ADAMTSL1: variants seen among roughly 807,000 people sequenced by gnomAD.
The protein encoded by ADAMTSL1 is ADAMTS-like protein 1.
In ADAMTSL1, 126 loss-of-function variants were observed where a neutral mutation model predicts 201.8. That is an observed-to-expected ratio of 0.62 (90% CI 0.54 to 0.72). ADAMTSL1 has a LOEUF of 0.72. Among genes scored for constraint, ADAMTSL1 ranks in the 30% least tolerant of loss-of-function variants. ADAMTSL1 has a pLI of 0.00. For synonymous variants in ADAMTSL1, 1,121 were observed against 903.4 expected (o/e 1.24, Z -4.32); for missense variants, 2,679 against 2,277.8 (o/e 1.18, Z -3.59).
chr9:18,448,637 A>G (rs1435469119), intron 2 of ADAMTSL1, among the ~76,000 whole-genome samples: 2 of 152,180 alleles, frequency 1.3e-5, no homozygotes, highest in Non-Finnish European at 2.9e-5. Flanking sequence ...ATACCATGCC[A>G]GTTAGATACT....
At chr9:18,230,662 T>C (rs962268789) in intron 2 of ADAMTSL1, among the ~76,000 whole-genome samples, 25 of 152,128 alleles carry the variant, frequency 1.6e-4, no homozygotes, top group African/African-American at 5.8e-4. Flanking sequence ...CATATGCATA[T>C]CAAATGTTAT....
chr9:17,976,986 G>A (rs1052957928), intron 1 of ADAMTSL1, among the ~76,000 whole-genome samples: 2 of 151,928 alleles, frequency 1.3e-5, no homozygotes, highest in African/African-American at 4.8e-5. Context: ...GTCTTTATGA[G>A]GTTGAGGCAC....
intron 1 of ADAMTSL1, among the ~76,000 whole-genome samples, chr9:18,147,876 C>T (rs1020593194): frequency 6.6e-6 from 1 of 152,226 alleles, no homozygotes; most frequent in East Asian, 1.9e-4. Context: ...TACAGTTGCA[C>T]AGCATGAAGC....
chr9:18,684,521 A>G (rs1341694324), intron 12 of ADAMTSL1, among the ~76,000 whole-genome samples, 195 bp from the exon 13 acceptor site: 4 of 152,208 alleles, frequency 2.6e-5, no homozygotes, highest in Non-Finnish European at 4.4e-5. Context: ...TTGCACACAA[A>G]CTAGTATTAT....
intron 15 of ADAMTSL1, among the ~76,000 whole-genome samples, chr9:18,732,538 G>T (rs1406659365): frequency 6.6e-6 from 1 of 152,186 alleles, no homozygotes; most frequent in Non-Finnish European, 1.5e-5. Flanking sequence ...AGGGAGGAAG[G>T]TCCTTTGACA....
At chr9:18,106,461 A>C (rs2131865196) in intron 1 of ADAMTSL1, among the ~76,000 whole-genome samples, 1 of 152,304 alleles carries the variant, frequency 6.6e-6, no homozygotes, top group Middle Eastern at 3.4e-3. Flanking sequence ...TTTCAGGACA[A>C]GTTTCAACTC....
chr9:18,694,310 A>G (rs1322915314), intron 13 of ADAMTSL1, among the ~76,000 whole-genome samples: 1 of 152,118 alleles, frequency 6.6e-6, no homozygotes, highest in Non-Finnish European at 1.5e-5. Context: ...GCAAAATACA[A>G]TCATCCCTTC....
At chr9:18,396,337 C>G (rs1257137087) in intron 2 of ADAMTSL1, among the ~76,000 whole-genome samples, 1 of 152,004 alleles carries the variant, frequency 6.6e-6, no homozygotes, top group Non-Finnish European at 1.5e-5. Flanking sequence ...TAGATTGTGA[C>G]TTAGTTCAGA....
At chr9:17,934,453 G>A (rs182194907) in intron 1 of ADAMTSL1, among the ~76,000 whole-genome samples, 3 of 151,940 alleles carry the variant, frequency 2.0e-5, no homozygotes, top group African/African-American at 7.2e-5. Context: ...TCTCTCTTTG[G>A]TGCACTCACT....
chr9:18,264,638 C>G (rs1832049673), intron 2 of ADAMTSL1, among the ~76,000 whole-genome samples: 1 of 152,098 alleles, frequency 6.6e-6, no homozygotes, highest in Non-Finnish European at 1.5e-5. Context: ...AGTTTAACTT[C>G]TGGATGCCAC....
At chr9:18,113,270 G>C (rs1390005478) in intron 1 of ADAMTSL1, among the ~76,000 whole-genome samples, 1 of 152,204 alleles carries the variant, frequency 6.6e-6, no homozygotes, top group Admixed American at 6.5e-5. Context: ...GACAGTGGCA[G>C]TGGTTTTGAT....
intron 2 of ADAMTSL1, among the ~76,000 whole-genome samples, chr9:18,264,281 G>A (rs1290890143): frequency 6.6e-6 from 1 of 151,772 alleles, no homozygotes; most frequent in Non-Finnish European, 1.5e-5. Context: ...TATATTTTAG[G>A]ACCTCACCAT....
intron 4 of ADAMTSL1, among the ~76,000 whole-genome samples, chr9:18,618,611 A>C (rs1377915683): frequency 6.6e-6 from 1 of 151,410 alleles, no homozygotes; most frequent in African/African-American, 2.4e-5. Context: ...CAATCCGTCC[A>C]AGTGCGGTTC....
intron 2 of ADAMTSL1, among the ~76,000 whole-genome samples, chr9:18,305,053 A>T (rs1833857762): frequency 6.6e-6 from 1 of 152,062 alleles, no homozygotes; most frequent in Admixed American, 6.5e-5. Flanking sequence ...CAGCCCATGG[A>T]TGGGGAGCTG....
At chr9:18,047,838 C>A (rs1228891713) in intron 1 of ADAMTSL1, among the ~76,000 whole-genome samples, 1 of 152,108 alleles carries the variant, frequency 6.6e-6, no homozygotes, top group Non-Finnish European at 1.5e-5. Context: ...AAGATGAGTT[C>A]AGTTTTAGTT....
rs538675753 is a variant in ADAMTSL1 at position 18,555,047 on chromosome 9, G to A, written c.238-18983G>A. On this transcript the variant is annotated intron_variant, in intron 3 of 28. Coordinates refer to ENST00000380548, the MANE Select transcript of ADAMTSL1 (RefSeq NM_001040272.6). ...GTTCATCCTCACCTCCCCATAACCC[G>A]TGACAACTACCAGTCTTTTTATTGT... is the stretch of plus-strand genomic sequence containing the variant. Among the ~76,000 whole-genome samples, 12 of 151,902 alleles carry A rather than the reference G, an allele frequency of 7.9e-5. No individual in the cohort carries two copies. In the South Asian group the frequency reaches 1.7e-3, roughly 21 times the overall value.
At chr9:18,126,193 A>C (rs1050331466) in intron 1 of ADAMTSL1, among the ~76,000 whole-genome samples, 16 of 152,210 alleles carry the variant, frequency 1.1e-4, no homozygotes, top group Non-Finnish European at 1.9e-4. Flanking sequence ...CAATTATCTT[A>C]AATACAAAAT....
chr9:18,200,636 C>T (rs369770276), intron 2 of ADAMTSL1, among the ~76,000 whole-genome samples: 4 of 151,892 alleles, frequency 2.6e-5, no homozygotes, highest in South Asian at 2.1e-4. Context: ...CTTACCTCTC[C>T]TGCTTTTCTC....
intron 2 of ADAMTSL1, among the ~76,000 whole-genome samples, chr9:18,184,144 T>A (rs1828625498): frequency 6.6e-6 from 1 of 152,178 alleles, no homozygotes; most frequent in African/African-American, 2.4e-5. Flanking sequence ...CAAAGTTCAT[T>A]CCACTTGCTG....
Sources: gnomAD v4.1 joint callset for allele counts (sites outside exome capture counted in the v4.1 genomes callset) on GRCh38, gnomAD v4.1.1 for gene constraint, MANE v1.5 for transcripts, NCBI Gene and HGNC (gene_info 2026-07-23, HGNC 2026-07-21) for gene names.